The following CTNNA3 variants were observed in gnomAD, a reference collection of about 807,000 sequenced individuals.
CTNNA3 encodes catenin alpha 3, also known as catenin alpha-3.
Under a neutral mutation model 95.7 loss-of-function variants are expected in CTNNA3, and 76 were observed. That is an observed-to-expected ratio of 0.79 (90% CI 0.66 to 0.96). CTNNA3 has a LOEUF of 0.96. CTNNA3 is among the 40% of genes least tolerant of loss of function. The pLI is 0.00. For missense variants in CTNNA3, 1,191 were observed against 1,089.8 expected (o/e 1.09, Z -1.31); for synonymous variants, 431 against 374.4 (o/e 1.15, Z -1.74).
At chr10:67,575,131 T>C (rs1246910698) in intron 3 of CTNNA3, among the ~76,000 whole-genome samples, 4 of 152,198 alleles carry the variant, frequency 2.6e-5, no homozygotes, top group Non-Finnish European at 5.9e-5. Flanking sequence ...CTCTTTTCTA[T>C]TGCTTAAAGT....
chr10:66,380,627 A>T (rs949142810), intron 11 of CTNNA3, among the ~76,000 whole-genome samples: 1 of 87,104 alleles, frequency 1.1e-5, no homozygotes, highest in Non-Finnish European at 2.1e-5. Flanking sequence ...CTATCTATCT[A>T]TATATATATA....
chr10:67,291,173 G>A (rs1221142932), intron 5 of CTNNA3, among the ~76,000 whole-genome samples: 3 of 152,118 alleles, frequency 2.0e-5, no homozygotes, highest in East Asian at 3.9e-4. Flanking sequence ...TTAAATAGCT[G>A]TAAGGAGAAA....
rs145903232 is a variant in CTNNA3, at chr10:66,115,586, T to TAGAGATAGAGATAG, written c.1885-12338_1885-12337insCTATCTCTATCTCT. On this transcript the variant is annotated intron_variant, in intron 13 of 17. Coordinates refer to ENST00000433211, the MANE Select transcript of CTNNA3 (RefSeq NM_013266.4). ...GATAGATAGACAGATAGATGATAGATAGATAGAGATAGAGATAGAGATAGA... is the reference window on the plus strand; with the variant it reads ...GATAGATAGACAGATAGATGATAGATAGAGATAGAGATAGAGATAGAGATAGAGATAGAGATAGA... Among the ~76,000 whole-genome samples, 37 of 118,034 alleles carry TAGAGATAGAGATAG rather than the reference T, an allele frequency of 3.1e-4. 1 individual carries two copies. Among genetic ancestry groups the TAGAGATAGAGATAG allele is most frequent in the East Asian group, 4.5e-4 (2 of 4,406 alleles). 77.4% of individuals were successfully genotyped at this position (118,034 alleles called of 152,430 possible). A position where few individuals can be genotyped will look rare whatever the true frequency, so the allele number is the denominator to read the frequency against.
At chr10:66,702,762 T>TAGTAGTAGTAGC (rs1564628687) in intron 9 of CTNNA3, among the ~76,000 whole-genome samples, 3 of 150,128 alleles carry the variant, frequency 2.0e-5, no homozygotes, top group Non-Finnish European at 4.4e-5. Flanking sequence ...GTAGTAGTAG[T>TAGTAGTAGTAGC]AGCCATCGTC....
chr10:66,687,563 G>T (rs1847343686), intron 9 of CTNNA3, among the ~76,000 whole-genome samples: 1 of 152,162 alleles, frequency 6.6e-6, no homozygotes, highest in African/African-American at 2.4e-5. Context: ...TAAAATAATT[G>T]TAGGATGAAT....
Position 67,560,807 on chromosome 10 carries a change from T to C in CTNNA3, c.293-21138A>G, listed in dbSNP as rs555446552. On this transcript the variant is annotated intron_variant, in intron 3 of 17. Coordinates refer to ENST00000433211, the MANE Select transcript of CTNNA3 (RefSeq NM_013266.4). ...GATGGAGGAAGATCTACCAAGCAAATGGAAAACAAAAAAAGGCAGGGGTTG... is the reference window on the plus strand; with the variant it reads ...GATGGAGGAAGATCTACCAAGCAAACGGAAAACAAAAAAAGGCAGGGGTTG... Among the ~76,000 whole-genome samples, 194 of 151,198 alleles carry C rather than the reference T, an allele frequency of 1.3e-3. 2 individuals are homozygous for C. Among genetic ancestry groups the C allele is most frequent in the Middle Eastern group, 3.4e-3 (1 of 292 alleles).
chr10:66,377,660 A>C (rs2092805651), intron 12 of CTNNA3, among the ~76,000 whole-genome samples: 1 of 152,054 alleles, frequency 6.6e-6, no homozygotes, highest in South Asian at 2.1e-4. Context: ...TGTCTAAAAA[A>C]AAAACCCCTG....
In CTNNA3 at chr10:67,420,750, T is replaced by A. The variant is rs1845717815; in HGVS notation, c.579+101092A>T. ...CTTCAGTTATATTTCATGAGCAAAG[T>A]AGTATTATCTTTATTTATTTTCTTA... is the stretch of plus-strand genomic sequence containing the variant. On this transcript the variant is annotated intron_variant, in intron 5 of 17. Transcript: ENST00000433211. Among the ~76,000 whole-genome samples the A allele has an allele frequency of 2.0e-5, 3 of 152,168 alleles. No homozygotes were observed. The South Asian group carries it at 6.2e-4, about 32-fold the overall frequency.
intron 7 of CTNNA3, among the ~76,000 whole-genome samples, chr10:67,124,372 GT>G (rs1189699213): frequency 6.6e-4 from 98 of 149,616 alleles, no homozygotes; most frequent in African/African-American, 2.3e-3. Context: ...GTGTGTGTGT[GT>G]GGTCTATAAA....
intron 12 of CTNNA3, among the ~76,000 whole-genome samples, chr10:66,304,701 C>T (rs2091908424): frequency 6.6e-6 from 1 of 152,070 alleles, no homozygotes; most frequent in Non-Finnish European, 1.5e-5. Flanking sequence ...GCCCACACCA[C>T]TCACATATAA....
At chr10:67,713,408 A>G (rs960705384) in intron 1 of CTNNA3, among the ~76,000 whole-genome samples, 13 of 152,296 alleles carry the variant, frequency 8.5e-5, no homozygotes, top group African/African-American at 2.9e-4. Flanking sequence ...CAGAAATACC[A>G]CTTGACCCAG....
chr10:67,311,945 T>TCA (rs899677581), intron 5 of CTNNA3, among the ~76,000 whole-genome samples: 3 of 151,368 alleles, frequency 2.0e-5, no homozygotes, highest in Non-Finnish European at 4.4e-5. Context: ...AACTTTTTAG[T>TCA]CACACACACA....
chr10:66,036,070 TAG>T (rs1377091626), intron 15 of CTNNA3, among the ~76,000 whole-genome samples: 1 of 152,148 alleles, frequency 6.6e-6, no homozygotes, highest in African/African-American at 2.4e-5. Context: ...GGAATACATT[TAG>T]AGTCAAAAAT....
At chr10:67,634,338 A>G (rs1839237877) in intron 2 of CTNNA3, among the ~76,000 whole-genome samples, 1 of 152,196 alleles carries the variant, frequency 6.6e-6, no homozygotes, top group African/African-American at 2.4e-5. Flanking sequence ...AGCACTAAAT[A>G]TGGAAAAGAA....
intron 9 of CTNNA3, among the ~76,000 whole-genome samples, chr10:66,668,088 G>C (rs2132462902): frequency 6.6e-6 from 1 of 152,200 alleles, no homozygotes; most frequent in African/African-American, 2.4e-5. Context: ...TTAAATGCTT[G>C]CTTCTAATAA....
chr10:66,734,123 A>G (rs1849052907), intron 9 of CTNNA3, among the ~76,000 whole-genome samples: 1 of 150,168 alleles, frequency 6.7e-6, no homozygotes, highest in South Asian at 2.1e-4. Flanking sequence ...TATTTGTCTC[A>G]AAGCTCCACA....
intron 7 of CTNNA3, among the ~76,000 whole-genome samples, chr10:67,087,059 G>A (rs373049698): frequency 3.9e-5 from 6 of 152,056 alleles, no homozygotes; most frequent in African/African-American, 7.2e-5. Context: ...CAAGATTAGA[G>A]AGGCTTTTGA....
At chr10:66,937,733 T>C (rs1052063328) in intron 7 of CTNNA3, among the ~76,000 whole-genome samples, 1 of 152,144 alleles carries the variant, frequency 6.6e-6, no homozygotes, top group African/African-American at 2.4e-5. Context: ...AAGTAGCCCA[T>C]GCTTCCCAAT....
chr10:67,369,830 A>G (rs1214689908), intron 5 of CTNNA3, among the ~76,000 whole-genome samples: 2 of 152,222 alleles, frequency 1.3e-5, no homozygotes, highest in African/African-American at 2.4e-5. Context: ...AGGCTTCAGC[A>G]TGCAGGTATT....
Sources: gnomAD v4.1 joint callset for allele counts (sites outside exome capture counted in the v4.1 genomes callset) on GRCh38, gnomAD v4.1.1 for gene constraint, MANE v1.5 for transcripts, NCBI Gene and HGNC (gene_info 2026-07-23, HGNC 2026-07-21) for gene names.